DRP2: variants seen among roughly 807,000 people sequenced by gnomAD.
DRP2 encodes the protein dystrophin-related protein 2.
Under a neutral mutation model 78.2 loss-of-function variants are expected in DRP2, and 29 were observed. That is an observed-to-expected ratio of 0.37 (90% confidence interval 0.28 to 0.51). The LOEUF is 0.51. DRP2 is among the 20% of genes least tolerant of loss of function. The pLI is 0.94. For missense variants in DRP2, 686 were observed against 770.6 expected, an observed-to-expected ratio of 0.89 and a Z score of 1.30; for synonymous variants, 290 against 281.9, an observed-to-expected ratio of 1.03 and a Z score of -0.29.
chrX:101,248,478 A>G (rs377026888), intron 13 of DRP2, 36 bp from the exon 14 acceptor site: 102 of 1,184,075 alleles, frequency 8.6e-5, no homozygotes, highest in Non-Finnish European at 1.1e-4. Context: ...CCCTTTACAT[A>G]CATTCATATT....
intron 13 of DRP2, 109 bp from the exon 14 acceptor site, chrX:101,248,405 C>A: frequency 9.0e-7 from 1 of 1,108,378 alleles, no homozygotes; most frequent in Non-Finnish European, 1.2e-6. Context: ...CAGCTTGGGG[C>A]ATGGTTGGAA....
At chrX:101,243,968 C>G (rs1922835514) in intron 9 of DRP2, among the ~76,000 whole-genome samples, 1 of 111,454 alleles carries the variant, frequency 9.0e-6, no homozygotes, top group African/African-American at 3.3e-5. Flanking sequence ...TATTCCATAC[C>G]TTTAAGGTAA....
chrX:101,225,275 A>G (rs1569507605), intron 2 of DRP2, among the ~76,000 whole-genome samples: 1 of 111,447 alleles, frequency 9.0e-6, no homozygotes, highest in East Asian at 2.8e-4. Context: ...TCTATAGCCA[A>G]AAATTGTCTC....
chrX:101,228,579 C>T (rs189356253), intron 2 of DRP2, among the ~76,000 whole-genome samples: 32 of 111,550 alleles, frequency 2.9e-4, no homozygotes, highest in Admixed American at 2.5e-3. Context: ...CCCATGGCCT[C>T]AGTCACAGTG....
chrX:101,249,011 A>G (rs981391174), intron 14 of DRP2, among the ~76,000 whole-genome samples: 1 of 111,974 alleles, frequency 8.9e-6, no homozygotes, highest in African/African-American at 3.3e-5. Flanking sequence ...AATAATACCC[A>G]ATATCTGGGA....
At chrX:101,243,064 G>A (rs1273032921) in intron 9 of DRP2, 82 bp downstream of exon 9, 2 of 917,157 alleles carry the variant, frequency 2.2e-6, no homozygotes, top group Non-Finnish European at 3.1e-6. Flanking sequence ...TGGGGCCCTG[G>A]TGGGAGCCCA....
intron 1 of DRP2, among the ~76,000 whole-genome samples, chrX:101,221,350 C>A (rs953723338): frequency 2.7e-5 from 3 of 112,732 alleles, no homozygotes; most frequent in African/African-American, 9.7e-5. Context: ...GAACCACAAG[C>A]CTCAGGTGAT....
intron 22 of DRP2, among the ~76,000 whole-genome samples, chrX:101,259,029 G>A (rs779069645): frequency 8.1e-5 from 9 of 111,708 alleles, no homozygotes; most frequent in African/African-American, 2.9e-4. Context: ...CAATGTGTAT[G>A]CTGTGGTAAA....
At chrX:101,234,581 G>T (rs1406193803) in intron 3 of DRP2, among the ~76,000 whole-genome samples, 1 of 112,598 alleles carries the variant, frequency 8.9e-6, no homozygotes, top group African/African-American at 3.2e-5. Context: ...AGCCTGTCAG[G>T]ATTCTGCCTG....
At chrX:101,250,281 A>G (rs776837440) in intron 14 of DRP2, 142 bp from the exon 15 acceptor site, 1 of 806,986 alleles carries the variant, frequency 1.2e-6, no homozygotes, top group East Asian at 3.3e-5. Context: ...AAGGTCAGGG[A>G]TAGACCTCTA....
chrX:101,224,315 C>T (rs1362551752), intron 1 of DRP2, among the ~76,000 whole-genome samples: 2 of 86,851 alleles, frequency 2.3e-5, no homozygotes, highest in African/African-American at 8.9e-5. Flanking sequence ...ACCCAGGAGG[C>T]GGAGGTTGCA....
chrX:101,259,501 A>AATTAATTT (rs1387211622), intron 22 of DRP2, among the ~76,000 whole-genome samples: 2 of 110,814 alleles, frequency 1.8e-5, no homozygotes, highest in Admixed American at 9.6e-5. Context: ...TTAATTAATT[A>AATTAATTT]ATTAATTAAT....
At chrX:101,225,676 T>C (rs1168247471) in intron 2 of DRP2, among the ~76,000 whole-genome samples, 1 of 111,705 alleles carries the variant, frequency 9.0e-6, no homozygotes, top group Non-Finnish European at 1.9e-5. Flanking sequence ...GTTGACCTCC[T>C]TGTATTTTGG....
chrX:101,256,396 C>A lies in DRP2; in HGVS notation c.2390+135C>A. 4.6e-6 allele frequency: 3 copies of A among 651,890 alleles called. No individual in the cohort carries two copies. In the South Asian group the frequency reaches 1.3e-4, roughly 29 times the overall value. 53.7% of individuals were successfully genotyped at this position (651,890 alleles called of 1,213,427 possible). The stretch of plus-strand genomic sequence containing the variant: ...ATTCTGTAATCCTCTATTTCCTTAT[C>A]TGTAAAACGGGGATGATGATCATCA... On this transcript the variant is annotated intron_variant, in intron 21 of 23. Coordinates refer to ENST00000395209, the MANE Select transcript of DRP2 (RefSeq NM_001939.3).
At chrX:101,222,874 T>A (rs1234626759) in intron 1 of DRP2, among the ~76,000 whole-genome samples, 3 of 112,255 alleles carry the variant, frequency 2.7e-5, no homozygotes, top group Non-Finnish European at 3.8e-5. Context: ...GGATTTGGTG[T>A]TTATTATTCC....
chrX:101,250,691 G>A (rs886327703), intron 15 of DRP2, 111 bp downstream of exon 15: 7 of 1,020,025 alleles, frequency 6.9e-6, no homozygotes, highest in Admixed American at 3.4e-5. Context: ...CAGATGCAAG[G>A]GAGTTTATTG....
At chrX:101,242,076 G>T (rs1366945158) in intron 7 of DRP2, 140 bp downstream of exon 7, 1 of 863,588 alleles carries the variant, frequency 1.2e-6, no homozygotes, top group Non-Finnish European at 1.6e-6. Flanking sequence ...TGCTAGATTT[G>T]GGGCTGGTTT....
chrX:101,229,477 G>A (rs148854601), intron 2 of DRP2, among the ~76,000 whole-genome samples: 1,647 of 111,748 alleles, frequency 0.015, 11 homozygotes, highest in Non-Finnish European at 0.025. Flanking sequence ...TCCTGAGGAG[G>A]AGGGGTGGGT....
At chrX:101,257,045 G>A (rs573191675) in intron 21 of DRP2, among the ~76,000 whole-genome samples, 6 of 109,688 alleles carry the variant, frequency 5.5e-5, no homozygotes, top group African/African-American at 1.7e-4. Context: ...TACATAGAGC[G>A]TTGGAGGTCT....
Sources: gnomAD v4.1 joint callset for allele counts (sites outside exome capture counted in the v4.1 genomes callset) on GRCh38, gnomAD v4.1.1 for gene constraint, MANE v1.5 for transcripts, NCBI Gene and HGNC (gene_info 2026-07-23, HGNC 2026-07-21) for gene names.